The following CELF2 variants were observed in gnomAD, a reference collection of about 807,000 sequenced individuals.
CELF2 encodes the protein CUG triplet repeat RNA-binding protein 2.
In CELF2, 8 loss-of-function variants were observed where a neutral mutation model predicts 62.6. The observed-to-expected ratio is 0.13, with a 90% CI of 0.07 to 0.23. The LOEUF is 0.23. CELF2 is among the 10% of genes least tolerant of loss of function. CELF2 has a pLI of 1.00. For missense variants in CELF2, 333 were observed against 671.0 expected (o/e 0.50, Z 5.56); for synonymous variants, 258 against 250.0 (o/e 1.03, Z -0.30).
rs1198173391 is a variant in CELF2 at position 11,314,588 on chromosome 10, GTGTTA to G, written c.1096+331_1096+335del. 18 of 374,740 alleles carry G rather than the reference GTGTTA, an allele frequency of 4.8e-5. No individual in the cohort carries two copies. Among genetic ancestry groups the G allele is most frequent in the Non-Finnish European group, 2.1e-5 (4 of 193,942 alleles). The allele number at this position is 374,740 out of a possible 1,614,324, so 23.2% of individuals were successfully genotyped here. On this transcript the variant is annotated intron_variant, in intron 10 of 12. Coordinates refer to ENST00000633077, the MANE Select transcript of CELF2 (RefSeq NM_001326342.2). The surrounding 1 kb of genome is among the most constrained non-coding windows in gnomAD (Gnocchi z 5.3). ...GGTCGGTTCTGTCCTGCGAGGCAGG[GTGTTA>G]CGGTGGGAAAAGTTAATGGACTGGA...
intron 2 of CELF2, among the ~76,000 whole-genome samples, chr10:11,197,070 G>GAAGGAAAGAAAGGAAAGAAAGGAAAGAAA (rs1329770894): frequency 3.8e-5 from 3 of 78,148 alleles, no homozygotes; most frequent in South Asian, 6.0e-4. Flanking sequence ...AAGAAAGAAA[G>GAAGGAAAGAAAGGAAAGAAAGGAAAGAAA]GAAAGAAAGA....
the CELF2 span, among the ~76,000 whole-genome samples, chr10:10,791,897 T>C: frequency 5.9e-5 from 9 of 152,182 alleles, no homozygotes; most frequent in South Asian, 1.7e-3. Context: ...ATTTTATTTG[T>C]ATTTAACAAA....
the CELF2 span, among the ~76,000 whole-genome samples, chr10:10,562,804 A>AGCCTACCTCCCTGCCCTCCACC: frequency 7.2e-6 from 1 of 139,420 alleles, no homozygotes; most frequent in African/African-American, 3.1e-5. Flanking sequence ...TGCCCTCCAC[A>AGCCTACCTCCCTGCCCTCCACC]GCCTACCTCC....
At chr10:10,591,484 C>T in the CELF2 span, among the ~76,000 whole-genome samples, 3,147 of 151,722 alleles carry the variant, frequency 0.021, 109 homozygotes, top group African/African-American at 0.072. Flanking sequence ...ATGTGAAATA[C>T]TGAATGTTTA....
upstream of CELF2, among the ~76,000 whole-genome samples, chr10:11,001,558 C>T (rs528154740): frequency 6.6e-6 from 1 of 152,150 alleles, no homozygotes; most frequent in African/African-American, 2.4e-5. Context: ...ATAATTTCAC[C>T]TTTTAAATTT....
At chr10:11,219,343 T>G (rs2064150744) in intron 3 of CELF2, among the ~76,000 whole-genome samples, 1 of 152,244 alleles carries the variant, frequency 6.6e-6, no homozygotes, top group African/African-American at 2.4e-5. Flanking sequence ...ACAACATGTT[T>G]TATATTTTTT....
At chr10:11,088,831 G>A (rs959763528) in intron 1 of CELF2, among the ~76,000 whole-genome samples, 2 of 152,206 alleles carry the variant, frequency 1.3e-5, no homozygotes, top group African/African-American at 2.4e-5. Context: ...CAAATGACAG[G>A]TGACTCAGCT....
intron 2 of CELF2, among the ~76,000 whole-genome samples, chr10:10,992,411 G>T (rs1185569996): frequency 2.6e-5 from 4 of 152,166 alleles, no homozygotes; most frequent in Admixed American, 2.6e-4. Flanking sequence ...GTTGGGTAAC[G>T]TGTTAATGAT....
At chr10:11,253,883 G>T (rs998898751) in intron 4 of CELF2, among the ~76,000 whole-genome samples, 2 of 152,162 alleles carry the variant, frequency 1.3e-5, no homozygotes, top group African/African-American at 2.4e-5. Context: ...GTCCGTCATG[G>T]AAAATGACTT....
intron 1 of CELF2, among the ~76,000 whole-genome samples, chr10:10,898,991 GAATGGGTCAAATACATCA>G (rs1394293754): frequency 6.6e-6 from 1 of 152,184 alleles, no homozygotes; most frequent in African/African-American, 2.4e-5. Context: ...TCTGCATAAT[GAATGGGTCAAATACATCA>G]AATGGTCATT....
At chr10:11,284,512 A>G in intron 8 of CELF2, among the ~76,000 whole-genome samples, 3 of 143,392 alleles carry the variant, frequency 2.1e-5, no homozygotes, top group Non-Finnish European at 3.0e-5. Flanking sequence ...GGGATGAGGG[A>G]TGAGTGTGTG....
At position 11,332,725 on chromosome 10, in the gene CELF2, G is replaced by GACT; in HGVS notation, c.*3674_*3676dup. On this transcript the variant is annotated 3_prime_UTR_variant, in exon 13 of 13. Coordinates refer to ENST00000633077, the MANE Select transcript of CELF2 (RefSeq NM_001326342.2). ...GATGGGATAGCCCTGGGATGGAAAG[G>GACT]ACTAGCCTCTACTGATGCAAAAAAA... 6.6e-6 allele frequency: 1 copy of GACT among 152,422 alleles called. No homozygotes were observed. The highest frequency in any genetic ancestry group is 1.9e-4 in the East Asian group (1 of 5,180). The allele number at this position is 152,422 out of a possible 1,614,324, so 9.4% of individuals were successfully genotyped here. A position where few individuals can be genotyped will look rare whatever the true frequency, so the allele number is the denominator to read the frequency against.
At chr10:11,325,748 CTACCTGTTGT>C in intron 11 of CELF2, 78 bp from the exon 12 acceptor site, 1 of 1,189,388 alleles carries the variant, frequency 8.4e-7, no homozygotes, top group Middle Eastern at 2.0e-4. Flanking sequence ...AATGCTTAGC[CTACCTGTTGT>C]TAAAGTATTC....
At chr10:10,485,038 G>A in the CELF2 span, among the ~76,000 whole-genome samples, 3 of 152,096 alleles carry the variant, frequency 2.0e-5, no homozygotes, top group South Asian at 6.2e-4. Flanking sequence ...TGCCCTCTAG[G>A]GATGCTCTGA....
the CELF2 span, among the ~76,000 whole-genome samples, chr10:10,657,856 G>A: frequency 6.6e-6 from 1 of 152,058 alleles, no homozygotes; most frequent in South Asian, 2.1e-4. Flanking sequence ...TATTTCATAA[G>A]CAAATAATAA....
At chr10:11,226,434 T>C (rs908908970) in intron 3 of CELF2, among the ~76,000 whole-genome samples, 1 of 152,220 alleles carries the variant, frequency 6.6e-6, no homozygotes, top group African/African-American at 2.4e-5. Flanking sequence ...TTTGCCCCTT[T>C]GGCACTGTCA....
At chr10:11,327,056 C>T (rs931746858) in intron 12 of CELF2, among the ~76,000 whole-genome samples, 7 of 152,156 alleles carry the variant, frequency 4.6e-5, no homozygotes, top group South Asian at 2.1e-4. Context: ...TAAAGGACTC[C>T]GCATGTCAGC....
intron 2 of CELF2, among the ~76,000 whole-genome samples, chr10:10,954,946 T>A (rs1442100359): frequency 1.3e-5 from 2 of 152,256 alleles, no homozygotes; most frequent in African/African-American, 2.4e-5. Context: ...AGATAAATCA[T>A]AATCCACAGT....
the CELF2 span, among the ~76,000 whole-genome samples, chr10:10,536,186 A>G: frequency 6.6e-6 from 1 of 151,984 alleles, no homozygotes; most frequent in East Asian, 1.9e-4. Flanking sequence ...TGTCTGGCTA[A>G]TTTTTGTATT....
Sources: gnomAD v4.1 joint callset for allele counts (sites outside exome capture counted in the v4.1 genomes callset) on GRCh38, gnomAD v4.1.1 for gene constraint, Gnocchi (gnomAD v3.1) non-coding constraint, MANE v1.5 for transcripts, NCBI Gene and HGNC (gene_info 2026-07-23, HGNC 2026-07-21) for gene names.